F8: variants seen among roughly 807,000 people sequenced by gnomAD.
F8 encodes the protein coagulation factor VIII.
Under a neutral mutation model 140.6 loss-of-function variants are expected in F8, and 12 were observed. The ratio of observed to expected loss-of-function variants is 0.09; its 90% CI spans 0.05 to 0.14. F8 has a LOEUF of 0.14. F8 is among the 10% of genes least tolerant of loss of function. The probability of loss-of-function intolerance (pLI) is 1.00; values close to 1 mark genes in which losing one functional copy is unlikely to be tolerated. For synonymous variants in F8, 585 were observed against 614.6 expected (o/e 0.95, Z 0.71); for missense variants, 1,354 against 1,720.7 (o/e 0.79, Z 3.77).
chrX:154,973,834 T>C (rs2073471211), intron 6 of F8, among the ~76,000 whole-genome samples: 1 of 111,859 alleles, frequency 8.9e-6, no homozygotes, highest in Admixed American at 9.5e-5. Context: ...TTTCACTCTG[T>C]TGCCCAGGCT....
At chrX:154,890,858 C>T (rs1557275134) in intron 22 of F8, among the ~76,000 whole-genome samples, 1 of 112,225 alleles carries the variant, frequency 8.9e-6, no homozygotes, top group Non-Finnish European at 1.9e-5. Flanking sequence ...CAATAGTCTT[C>T]ATGGAAAAAA....
intron 19 of F8, 135 bp from the exon 20 acceptor site, chrX:154,901,577 C>T (rs1430048385): frequency 3.1e-5 from 17 of 549,937 alleles, no homozygotes; most frequent in Admixed American, 7.1e-5. Flanking sequence ...CTGTACTCAA[C>T]GTTTTACTGT....
intron 25 of F8, among the ~76,000 whole-genome samples, chrX:154,854,619 T>TGTGC (rs56135801): frequency 9.1e-6 from 1 of 110,231 alleles, no homozygotes; most frequent in African/African-American, 3.3e-5. Flanking sequence ...TGTGTGTGTG[T>TGTGC]ATGTATCTCC....
At chrX:155,009,925 G>C (rs1284280043) in intron 1 of F8, among the ~76,000 whole-genome samples, 2 of 110,899 alleles carry the variant, frequency 1.8e-5, no homozygotes, top group African/African-American at 3.3e-5. Flanking sequence ...ACAAGATTGT[G>C]AGACAGAAAA....
At chrX:154,965,764 G>C (rs2073419837) in intron 9 of F8, 3 of 417,837 alleles carry the variant, frequency 7.2e-6, no homozygotes, top group Non-Finnish European at 1.2e-5. Context: ...TTTCAAAGGA[G>C]TGTCGAGTTT....
intron 11 of F8, among the ~76,000 whole-genome samples, chrX:154,956,253 A>G (rs184723928): frequency 2.9e-4 from 32 of 112,137 alleles, no homozygotes; most frequent in African/African-American, 9.1e-4. Flanking sequence ...CAAACACACA[A>G]GCTTTACAAA....
intron 22 of F8, among the ~76,000 whole-genome samples, 192 bp downstream of exon 22, chrX:154,895,885 A>G (rs2072976238): frequency 8.9e-6 from 1 of 112,171 alleles, no homozygotes; most frequent in Admixed American, 9.5e-5. Context: ...GCATCTCTTC[A>G]TTTCTATCAT....
chrX:154,899,284 G>A (rs1400366821), intron 21 of F8, among the ~76,000 whole-genome samples: 1 of 112,193 alleles, frequency 8.9e-6, no homozygotes, highest in African/African-American at 3.2e-5. Context: ...ATGTTTAGGT[G>A]GAGAGGCTGA....
rs782278930 is a variant in F8 at position 154,874,986 on chromosome X, G to GAT, written c.6430-11761_6430-11760dup. ...ATGGATGGAGGGATAAAGACAATCT[G>GAT]ATATATATATATCTGATGGAATATT... On this transcript the variant is annotated intron_variant, in intron 22 of 25. Transcript: ENST00000360256. Among the ~76,000 whole-genome samples the GAT allele has an allele frequency of 4.0e-4, 45 of 111,406 alleles. 1 individual carries two copies. The South Asian group carries it at 1.0e-2, about 25-fold the overall frequency.
chrX:154,921,924 A>T (rs2073133555), intron 14 of F8, among the ~76,000 whole-genome samples: 1 of 111,196 alleles, frequency 9.0e-6, no homozygotes, highest in Admixed American at 9.5e-5. Flanking sequence ...GATATACCTA[A>T]TGTAAATGAT....
intron 6 of F8, among the ~76,000 whole-genome samples, chrX:154,984,093 G>GT (rs781913546): frequency 9.0e-6 from 1 of 111,231 alleles, no homozygotes; most frequent in African/African-American, 3.3e-5. Context: ...GATTCTCAAA[G>GT]TTTTTTCACT....
chrX:154,866,519 A>G (rs1557273155), intron 22 of F8, among the ~76,000 whole-genome samples: 2 of 112,314 alleles, frequency 1.8e-5, no homozygotes, highest in African/African-American at 6.5e-5. Context: ...GAAGATTAAT[A>G]TCATACCAAG....
chrX:154,965,012 A>G (rs1478307606), intron 9 of F8, among the ~76,000 whole-genome samples: 1 of 112,299 alleles, frequency 8.9e-6, no homozygotes, highest in Non-Finnish European at 1.9e-5. Context: ...CTGACCAAAT[A>G]GAAAACTGGA....
At chrX:155,003,971 A>T (rs1178769775) in intron 1 of F8, among the ~76,000 whole-genome samples, 18 of 107,969 alleles carry the variant, frequency 1.7e-4, no homozygotes, top group Non-Finnish European at 3.3e-4. Context: ...AAAAAAAAAA[A>T]AAAAAAAAAA....
intron 6 of F8, among the ~76,000 whole-genome samples, chrX:154,972,717 T>C (rs1557282698): frequency 1.2e-5 from 1 of 82,237 alleles, no homozygotes; most frequent in Non-Finnish European, 2.4e-5. Context: ...CTTTTTTTTT[T>C]TTTTTTTTTT....
chrX:154,869,672 G>A (rs1035388611), intron 22 of F8, among the ~76,000 whole-genome samples: 2 of 111,433 alleles, frequency 1.8e-5, no homozygotes, highest in Non-Finnish European at 1.9e-5. Context: ...AAAGCTAGCA[G>A]AAGACAGGAA....
In F8 at chrX:154,931,122, A is replaced by C; in HGVS notation, c.2668T>G (p.Leu890Val). ...EKLGTTAATELKKLDFKVSST... is the reference protein window; with the variant it reads ...EKLGTTAATEVKKLDFKVSST... ...GAAACTTTGAAATCAAGTTTCTTCA[A>C]CTCTGTTGCTGCAGTTGTCCCCAGT... The change falls in exon 14 of 26, where the codon TTG (leucine) becomes GTG (valine). Residue 890 changes from leucine (L) to valine (V), a missense_variant. By Grantham distance (32) the Leu-to-Val change is conservative (BLOSUM62 1). This residue lies in a region of F8 where 658 missense variants were observed against 666.5 expected (regional missense o/e 0.99). Coordinates refer to ENST00000360256, the MANE Select transcript of F8 (RefSeq NM_000132.4). The C allele has an allele frequency of 8.3e-7, 1 of 1,210,019 alleles. No homozygotes were observed. Among genetic ancestry groups the C allele is most frequent in the South Asian group, 1.8e-5 (1 of 56,473 alleles).
At chrX:154,976,141 C>T (rs1046699878) in intron 6 of F8, among the ~76,000 whole-genome samples, 8 of 111,856 alleles carry the variant, frequency 7.2e-5, no homozygotes, top group South Asian at 7.5e-4. Flanking sequence ...GTGATCCACC[C>T]GCCTCAGCCT....
chrX:154,881,002 T>C (rs1311597901), intron 22 of F8, among the ~76,000 whole-genome samples: 1 of 102,534 alleles, frequency 9.8e-6, no homozygotes, highest in East Asian at 3.0e-4. Context: ...TGTCCCCTAG[T>C]CTTATCTACC....
Sources: allele counts gnomAD v4.1 joint callset (sites outside exome capture counted in the v4.1 genomes callset), GRCh38; gene constraint gnomAD v4.1.1; regional missense constraint gnomAD v4.1.1; transcripts MANE v1.5; gene names NCBI Gene and HGNC (gene_info 2026-07-23, HGNC 2026-07-21).